The following SPHKAP variants were observed in gnomAD, a reference collection of about 807,000 sequenced individuals.
SPHKAP encodes the protein SPHK1 interactor, AKAP domain containing.
Under a neutral mutation model 137.5 loss-of-function variants are expected in SPHKAP, and 67 were observed. That is an observed-to-expected ratio of 0.49 (90% CI 0.40 to 0.60). The LOEUF is 0.60. SPHKAP is among the 20% of genes least tolerant of loss of function. The pLI is 0.00. For missense variants in SPHKAP, 2,097 were observed against 2,069.3 expected, an observed-to-expected ratio of 1.01 and a Z score of -0.26; for synonymous variants, 813 against 785.3, an observed-to-expected ratio of 1.04 and a Z score of -0.59.
At position 227,980,664 on chromosome 2, in the gene SPHKAP, A is replaced by G. The variant is rs1296888899; in HGVS notation, c.*1053T>C. On this transcript the variant is annotated 3_prime_UTR_variant, in exon 12 of 12. Transcript: ENST00000392056. ...GGAAAGTCTATGATCCTAACTGATC[A>G]TGTCAAACACAAGACCATTACCCTG... The G allele has an allele frequency of 7.2e-6, 1 of 139,118 alleles. No homozygotes were observed. Among genetic ancestry groups the G allele is most frequent in the Admixed American group, 7.1e-5 (1 of 14,150 alleles). 8.6% of individuals were successfully genotyped at this position (139,118 alleles called of 1,614,324 possible).
Position 228,181,428 on chromosome 2 carries a change from T to C in SPHKAP, c.32+139A>G. 8.3e-7 allele frequency: 1 copy of C among 1,210,744 alleles called. No individual in the cohort carries two copies. The highest frequency in any genetic ancestry group is 1.8e-5 in the Admixed American group (1 of 57,114). 75.0% of individuals were successfully genotyped at this position (1,210,744 alleles called of 1,614,324 possible). On this transcript the variant is annotated intron_variant, in intron 1 of 11. Coordinates refer to ENST00000392056, the MANE Select transcript of SPHKAP (RefSeq NM_001142644.2). The surrounding 1 kb of genome is among the most constrained non-coding windows in gnomAD (Gnocchi z 4.3). ...CCAGCGAGGCTGGGCCGGACTTATT[T>C]ACAAGTGCAGTGACCCCTGTCTCCT...
intron 3 of SPHKAP, among the ~76,000 whole-genome samples, chr2:228,066,051 C>A (rs1559155250): frequency 6.6e-6 from 1 of 152,068 alleles, no homozygotes; most frequent in Non-Finnish European, 1.5e-5. Flanking sequence ...GGGCAGGGGG[C>A]TGTGGTTTAG....
At chr2:228,035,149 A>G (rs1236104622) in intron 3 of SPHKAP, among the ~76,000 whole-genome samples, 3 of 147,040 alleles carry the variant, frequency 2.0e-5, no homozygotes, top group Non-Finnish European at 1.5e-5. Flanking sequence ...CTCAGCCCAA[A>G]ATCTCCTTAA....
chr2:228,066,770 T>C (rs956820854), intron 3 of SPHKAP, among the ~76,000 whole-genome samples: 6 of 152,226 alleles, frequency 3.9e-5, no homozygotes, highest in African/African-American at 1.4e-4. Context: ...GGAATATCCA[T>C]TCTTCCATGA....
intron 1 of SPHKAP, among the ~76,000 whole-genome samples, chr2:228,157,328 T>C (rs1162395461): frequency 6.6e-6 from 1 of 152,204 alleles, no homozygotes; most frequent in African/African-American, 2.4e-5. Flanking sequence ...TTCAATTTCA[T>C]GCCTTGGGAT....
intron 11 of SPHKAP, among the ~76,000 whole-genome samples, chr2:227,988,946 C>T (rs982673204): frequency 6.6e-6 from 1 of 152,102 alleles, no homozygotes; most frequent in African/African-American, 2.4e-5. Context: ...AGCAGGCAGA[C>T]ATAGGCATGA....
intron 4 of SPHKAP, chr2:228,025,810 A>G: frequency 1.1e-6 from 1 of 932,994 alleles, no homozygotes; most frequent in Non-Finnish European, 1.3e-6. Context: ...TTACTATCAT[A>G]CCACAGGTAT....
At chr2:227,996,551 C>T (rs1488091968) in intron 7 of SPHKAP, among the ~76,000 whole-genome samples, 1 of 152,206 alleles carries the variant, frequency 6.6e-6, no homozygotes, top group Non-Finnish European at 1.5e-5. Context: ...ACTTGCCTGT[C>T]TGTGAAAATA....
intron 11 of SPHKAP, among the ~76,000 whole-genome samples, chr2:227,989,320 C>G (rs1322624267): frequency 2.6e-5 from 4 of 152,066 alleles, no homozygotes; most frequent in Admixed American, 2.6e-4. Context: ...CCGATTTGCT[C>G]CTAGTCAAAA....
intron 1 of SPHKAP, among the ~76,000 whole-genome samples, chr2:228,140,242 C>T (rs563530066): frequency 9.4e-5 from 14 of 148,162 alleles, no homozygotes; most frequent in South Asian, 4.2e-4. Flanking sequence ...CTACTGCACC[C>T]GGCCTAGAGT....
intron 1 of SPHKAP, among the ~76,000 whole-genome samples, chr2:228,140,910 G>A (rs1298020568): frequency 6.6e-6 from 1 of 152,064 alleles, no homozygotes; most frequent in Non-Finnish European, 1.5e-5. Context: ...AGATGCCAGT[G>A]TTATGCTTCT....
At chr2:228,118,651 T>TA (rs1056381420) in intron 2 of SPHKAP, among the ~76,000 whole-genome samples, 12 of 152,166 alleles carry the variant, frequency 7.9e-5, no homozygotes, top group African/African-American at 2.4e-4. Context: ...ACTTTTAAAA[T>TA]AAAAAATTAA....
chr2:228,054,749 T>C (rs1032002710), intron 3 of SPHKAP, among the ~76,000 whole-genome samples: 11 of 152,234 alleles, frequency 7.2e-5, no homozygotes, highest in African/African-American at 2.4e-4. Flanking sequence ...ATGGAGGCTT[T>C]GAACTATTAA....
At chr2:228,084,773 A>T (rs1275189819) in intron 3 of SPHKAP, among the ~76,000 whole-genome samples, 1 of 152,188 alleles carries the variant, frequency 6.6e-6, no homozygotes, top group African/African-American at 2.4e-5. Context: ...GATCAAAGGG[A>T]TCTCTGCTTA....
At chr2:228,161,169 T>C (rs1700261852) in intron 1 of SPHKAP, among the ~76,000 whole-genome samples, 1 of 152,188 alleles carries the variant, frequency 6.6e-6, no homozygotes, top group Non-Finnish European at 1.5e-5. Flanking sequence ...GGAGTCTGGC[T>C]TATAAAGGAT....
At chr2:228,061,471 C>T (rs1383932328) in intron 3 of SPHKAP, among the ~76,000 whole-genome samples, 1 of 151,982 alleles carries the variant, frequency 6.6e-6, no homozygotes. Flanking sequence ...GGGATTTCAT[C>T]ATGTTGACTG....
chr2:228,120,168 T>C (rs1698861206), intron 2 of SPHKAP, among the ~76,000 whole-genome samples: 1 of 152,136 alleles, frequency 6.6e-6, no homozygotes. Context: ...TCTCTCCTTT[T>C]ACTGTGAAGG....
intron 3 of SPHKAP, among the ~76,000 whole-genome samples, chr2:228,083,859 A>G (rs760078912): frequency 2.0e-5 from 3 of 152,086 alleles, no homozygotes; most frequent in Non-Finnish European, 4.4e-5. Flanking sequence ...ACATGTTCTC[A>G]CTCATAAGTG....
intron 3 of SPHKAP, among the ~76,000 whole-genome samples, chr2:228,091,986 C>T (rs1036564051): frequency 6.6e-6 from 1 of 151,780 alleles, no homozygotes; most frequent in Non-Finnish European, 1.5e-5. Flanking sequence ...TACAGCAGCA[C>T]AATTCTCAGT....
Sources: allele counts gnomAD v4.1 joint callset (sites outside exome capture counted in the v4.1 genomes callset), GRCh38; gene constraint gnomAD v4.1.1; non-coding constraint Gnocchi (gnomAD v3.1); transcripts MANE v1.5; gene names NCBI Gene and HGNC (gene_info 2026-07-23, HGNC 2026-07-21).